BCAT2: variants seen among roughly 807,000 people sequenced by gnomAD.
BCAT2 encodes the protein branched chain amino acid transaminase 2.
A neutral mutation model predicts 52.9 loss-of-function variants in BCAT2; 44 were observed. That is an observed-to-expected ratio of 0.83 (90% confidence interval 0.65 to 1.07). The LOEUF is 1.07. Among genes scored for constraint, BCAT2 ranks in the 50% least tolerant of loss-of-function variants. The pLI, the probability that BCAT2 is intolerant of heterozygous loss-of-function variation, is 0.00. For synonymous variants in BCAT2, 215 were observed against 217.1 expected (o/e 0.99, Z 0.08); for missense variants, 478 against 521.8 (o/e 0.92, Z 0.82).
Position 48,797,562 on chromosome 19 carries a change from T to C in BCAT2, c.696-229A>G, listed in dbSNP as rs748581125. 1.8e-4 allele frequency: 101 copies of C among 560,078 alleles called. 1 individual carries two copies. The highest frequency in any genetic ancestry group is 3.0e-4 in the Non-Finnish European group (95 of 321,220). 34.7% of individuals were successfully genotyped at this position (560,078 alleles called of 1,614,324 possible). On this transcript the variant is annotated intron_variant, in intron 6 of 10. Coordinates refer to ENST00000316273, the MANE Select transcript of BCAT2 (RefSeq NM_001190.4). ...CACTTTTCTTTCTTTTCTTTTCTTT[T>C]TTTTTTAAGACGGAGTCTCGCTCTG...
At chr19:48,804,762 T>A (rs562242221) in intron 3 of BCAT2, among the ~76,000 whole-genome samples, 2 of 152,068 alleles carry the variant, frequency 1.3e-5, no homozygotes, top group South Asian at 4.2e-4. Flanking sequence ...AAGTACTGGG[T>A]CCCCAGCCAG....
At chr19:48,796,249 G>A (rs777002493) in intron 10 of BCAT2, 179 bp downstream of exon 10, 5 of 755,186 alleles carry the variant, frequency 6.6e-6, no homozygotes, top group African/African-American at 1.8e-5. Context: ...TTAGCCCCAA[G>A]GGGTTTTCCA....
At chr19:48,806,918 CT>C (rs1204511397) in intron 2 of BCAT2, 81 bp downstream of exon 2, 5 of 1,510,352 alleles carry the variant, frequency 3.3e-6, no homozygotes. Context: ...CATCTCTGGG[CT>C]GTGGACCTTT....
rs1368381892 is a variant in BCAT2 at position 48,799,702 on chromosome 19, C to T, written c.668G>A (p.Gly223Asp). The change falls in exon 6 of 11, where the codon GGC (glycine) becomes GAC (aspartate). Residue 223 changes from glycine to aspartate, a missense_variant. Gly to Asp is a moderately conservative substitution (Grantham distance 94). Transcript: ENST00000316273. The surrounding 1 kb of genome is among the most constrained non-coding windows in gnomAD (Gnocchi z 5.5). ...ADPAFIRAWV[G>D]GVGNYKLGGN... ...ACCTAACTTGTAGTTGCCGACCCCG[C>T]CCACCCAGGCCCGGATGAAGGCTGG... The T allele has an allele frequency of 1.9e-6, 3 of 1,588,842 alleles. No homozygotes were observed. Among genetic ancestry groups the T allele is most frequent in the African/African-American group, 1.3e-5 (1 of 74,076 alleles).
intron 3 of BCAT2, among the ~76,000 whole-genome samples, chr19:48,803,831 T>C (rs1336423232): frequency 6.6e-6 from 1 of 152,124 alleles, no homozygotes; most frequent in African/African-American, 2.4e-5. Flanking sequence ...TGCTGATGGT[T>C]GCATAACATT....
chr19:48,810,995 C>G lies in BCAT2; in HGVS notation c.13G>C (p.Ala5Pro), dbSNP rs528125680. 6.2e-7 allele frequency: 1 copy of G among 1,607,972 alleles called. No homozygotes were observed. The highest frequency in any genetic ancestry group is 1.3e-5 in the African/African-American group (1 of 74,564). ...GGCTGCGAACCCACCTGCCCCAGAG[C>G]GGCTGCGGCCATGATCCGTGCGGCG... MAAA[A>P]LGQIWARKLL... The change falls in exon 1 of 11, where the codon GCT (alanine) becomes CCT (proline). Residue 5 changes from alanine (A) to proline (P), a missense_variant. Physicochemically the swap from Ala to Pro is conservative, Grantham distance 27. Transcript: ENST00000316273.
chr19:48,798,123 T>G (rs1331326903), intron 6 of BCAT2, among the ~76,000 whole-genome samples: 1 of 152,086 alleles, frequency 6.6e-6, no homozygotes, highest in Non-Finnish European at 1.5e-5. Context: ...CAGGCTGGTC[T>G]CAAACTCCTG....
Position 48,800,207 on chromosome 19 carries a change from C to T in BCAT2, c.391G>A (p.Ala131Thr). The T allele has an allele frequency of 6.2e-7, 1 of 1,613,708 alleles. No homozygotes were observed. Among genetic ancestry groups the T allele is most frequent in the Non-Finnish European group, 8.5e-7 (1 of 1,180,010 alleles). ...CTCACCGGCAGGCACAGGCGCATGG[C>T]TGAGCGCAGCATCCGGTCCATGTTG... ...WLNMDRMLRS[A>T]MRLCLPSFDK... The change falls in exon 4 of 11, where the codon GCC (alanine) becomes ACC (threonine). Residue 131 changes from alanine to threonine, a missense_variant. By Grantham distance (58) the Ala-to-Thr change is moderately conservative. Coordinates refer to ENST00000316273, the MANE Select transcript of BCAT2 (RefSeq NM_001190.4).
intron 10 of BCAT2, 22 bp from the exon 11 acceptor site, chr19:48,795,486 G>C: frequency 3.7e-6 from 6 of 1,613,446 alleles, no homozygotes; most frequent in Non-Finnish European, 5.1e-6. Context: ...CGGAGGCAGT[G>C]CGTGAGGTGG....
chr19:48,799,455 T>C lies in BCAT2; in HGVS notation c.695+220A>G. On this transcript the variant is annotated intron_variant, in intron 6 of 10. Transcript: ENST00000316273. This position sits in a 1 kb window ranked among gnomAD's most constrained non-coding sequence, Gnocchi z 5.5. ...CTGACCTCCACCCAATGCCTTCCCA[T>C]CTGTGAGCCTTTTTGTCCATCTGAA... 1.7e-6 allele frequency: 1 copy of C among 598,154 alleles called. No homozygotes were observed. The highest frequency in any genetic ancestry group is 2.7e-6 in the Non-Finnish European group (1 of 373,886). 37.1% of individuals were successfully genotyped at this position (598,154 alleles called of 1,614,324 possible).
At position 48,807,510 on chromosome 19, in the gene BCAT2, C is replaced by A; in HGVS notation, c.25-436G>T. On this transcript the variant is annotated intron_variant, in intron 1 of 10. Transcript: ENST00000316273. This position sits in a 1 kb window ranked among gnomAD's most constrained non-coding sequence, Gnocchi z 4.6. ...GTGCAGACCCCAGGCCCGCCTCCCT[C>A]AGACCTAAGTAAGAGTCCAGACTCT... 1 of 181,794 alleles carries A rather than the reference C, an allele frequency of 5.5e-6. No individual in the cohort carries two copies. The allele number at this position is 181,794 out of a possible 1,614,324, so 11.3% of individuals were successfully genotyped here. A position where few individuals can be genotyped will look rare whatever the true frequency, so the allele number is the denominator to read the frequency against.
chr19:48,795,241 C>G lies in BCAT2; in HGVS notation c.*185G>C. Reference sequence around the variant, plus strand: ...GAACCCGCGACGAGGGGCTGGGGGCCAAGATGCCTGGGTCGGCCCTTACGG... The same window carrying G: ...GAACCCGCGACGAGGGGCTGGGGGCGAAGATGCCTGGGTCGGCCCTTACGG... On this transcript the variant is annotated 3_prime_UTR_variant, in exon 11 of 11. Coordinates refer to ENST00000316273, the MANE Select transcript of BCAT2 (RefSeq NM_001190.4). The G allele has an allele frequency of 4.3e-6, 3 of 703,828 alleles. No homozygotes were observed. The highest frequency in any genetic ancestry group is 2.4e-5 in the Admixed American group (1 of 41,446). The allele number at this position is 703,828 out of a possible 1,614,324, so 43.6% of individuals were successfully genotyped here. A position where few individuals can be genotyped will look rare whatever the true frequency, so the allele number is the denominator to read the frequency against.
At chr19:48,802,696 C>T (rs1398994188) in intron 3 of BCAT2, among the ~76,000 whole-genome samples, 1 of 152,036 alleles carries the variant, frequency 6.6e-6, no homozygotes, top group African/African-American at 2.4e-5. Flanking sequence ...GACCCACCTG[C>T]CTCAGCCTCC....
At chr19:48,804,973 A>G (rs1346137484) in intron 3 of BCAT2, among the ~76,000 whole-genome samples, 3 of 152,100 alleles carry the variant, frequency 2.0e-5, no homozygotes, top group African/African-American at 7.2e-5. Context: ...GGAGAGGGGA[A>G]AAAACAAAAC....
intron 6 of BCAT2, among the ~76,000 whole-genome samples, chr19:48,798,063 C>T (rs1037086534): frequency 5.3e-5 from 8 of 151,634 alleles, no homozygotes; most frequent in Middle Eastern, 3.4e-3. Flanking sequence ...CCACAGCGCC[C>T]GGCCTTACTT....
chr19:48,801,334 C>A (rs2034653529), intron 3 of BCAT2, among the ~76,000 whole-genome samples: 1 of 151,578 alleles, frequency 6.6e-6, no homozygotes, highest in Middle Eastern at 3.2e-3. Context: ...GGGATAAAAA[C>A]CACCACCACA....
chr19:48,809,469 C>T (rs1599814019), intron 1 of BCAT2, among the ~76,000 whole-genome samples: 1 of 151,824 alleles, frequency 6.6e-6, no homozygotes, highest in South Asian at 2.1e-4. Context: ...CCCATCATAC[C>T]GCAGTCTGCC....
chr19:48,805,833 T>C (rs1339089683), intron 3 of BCAT2, among the ~76,000 whole-genome samples: 3 of 49,762 alleles, frequency 6.0e-5, no homozygotes, highest in African/African-American at 2.6e-4. Flanking sequence ...ATCCCTCCCC[T>C]GGCTGTCCCC....
Position 48,795,476 on chromosome 19 carries a change from C to G in BCAT2, c.1141-12G>C, listed in dbSNP as rs765824991. 1 of 1,613,740 alleles carries G rather than the reference C, an allele frequency of 6.2e-7. No individual in the cohort carries two copies. Among genetic ancestry groups the G allele is most frequent in the Non-Finnish European group, 8.5e-7 (1 of 1,179,880 alleles). On this transcript the variant is annotated splice_polypyrimidine_tract_variant and intron_variant, in intron 10 of 10. Coordinates refer to ENST00000316273, the MANE Select transcript of BCAT2 (RefSeq NM_001190.4). ...GCTCTGATTCCGTACTGCGGAACAACGGAGGCAGTGCGTGAGGTGGAAGCT... is the reference window on the plus strand; with the variant it reads ...GCTCTGATTCCGTACTGCGGAACAAGGGAGGCAGTGCGTGAGGTGGAAGCT...
Sources: allele counts gnomAD v4.1 joint callset (sites outside exome capture counted in the v4.1 genomes callset), GRCh38; gene constraint gnomAD v4.1.1; non-coding constraint Gnocchi (gnomAD v3.1); transcripts MANE v1.5; gene names NCBI Gene and HGNC (gene_info 2026-07-23, HGNC 2026-07-21).